The following ZNF385B variants were observed in gnomAD, a reference collection of about 807,000 sequenced individuals.
ZNF385B encodes zinc finger protein 385B, also known as zinc finger protein 533.
ZNF385B carries 23 observed loss-of-function variants against 39.2 expected under a neutral mutation model. That is an observed-to-expected ratio of 0.59 (90% CI 0.42 to 0.83). The LOEUF is 0.83. ZNF385B is among the 40% of genes least tolerant of loss of function. The pLI, the probability that ZNF385B is intolerant of heterozygous loss-of-function variation, is 0.00. For synonymous variants in ZNF385B, 205 were observed against 222.6 expected (o/e 0.92, Z 0.70); for missense variants, 552 against 598.9 (o/e 0.92, Z 0.82).
intron 1 of ZNF385B, among the ~76,000 whole-genome samples, chr2:179,838,928 A>AG (rs35164869): frequency 0.13 from 16,764 of 130,626 alleles, 1,073 homozygotes; most frequent in Admixed American, 0.22. Context: ...CCAAAAAAAA[A>AG]GGGGGGGGGG....
At chr2:179,677,084 C>A (rs1314947594) in intron 3 of ZNF385B, among the ~76,000 whole-genome samples, 1 of 152,134 alleles carries the variant, frequency 6.6e-6, no homozygotes, top group Admixed American at 6.5e-5. Flanking sequence ...ATATGTATAG[C>A]TATAAAAATG....
intron 3 of ZNF385B, among the ~76,000 whole-genome samples, chr2:179,558,690 G>A (rs141366502): frequency 7.9e-5 from 12 of 152,130 alleles, no homozygotes; most frequent in Admixed American, 6.5e-5. Context: ...GTATCCCAAG[G>A]CCACCAGAAT....
intron 3 of ZNF385B, among the ~76,000 whole-genome samples, chr2:179,697,526 T>C (rs933559053): frequency 6.6e-6 from 1 of 152,152 alleles, no homozygotes; most frequent in African/African-American, 2.4e-5. Flanking sequence ...TAAACCTTTT[T>C]CCTTTATAAA....
intron 1 of ZNF385B, chr2:179,814,657 C>T: frequency 2.4e-6 from 1 of 410,720 alleles, no homozygotes. Flanking sequence ...AAAACTACTC[C>T]ACCAAGTCCA....
At chr2:179,711,842 G>T (rs181850199) in intron 3 of ZNF385B, among the ~76,000 whole-genome samples, 7 of 144,780 alleles carry the variant, frequency 4.8e-5, no homozygotes, top group African/African-American at 1.8e-4. Context: ...AGCAGTAGCA[G>T]TTCTGTTCAG....
intron 6 of ZNF385B, among the ~76,000 whole-genome samples, chr2:179,455,204 A>G (rs769833339): frequency 1.3e-5 from 2 of 151,934 alleles, no homozygotes; most frequent in Non-Finnish European, 1.5e-5. Flanking sequence ...TTGTGTTGCA[A>G]TTGCCTACAG....
intron 1 of ZNF385B, among the ~76,000 whole-genome samples, chr2:179,775,413 A>G (rs542314246): frequency 6.6e-6 from 1 of 152,250 alleles, no homozygotes; most frequent in Non-Finnish European, 1.5e-5. Context: ...AACTCTCTGC[A>G]TAACAGTCCC....
intron 5 of ZNF385B, among the ~76,000 whole-genome samples, chr2:179,489,822 T>C (rs2055008122): frequency 6.6e-6 from 1 of 152,240 alleles, no homozygotes; most frequent in African/African-American, 2.4e-5. Context: ...TTGGCTTTGA[T>C]ATTCACTTCA....
At chr2:179,502,109 T>C (rs1487172599) in intron 5 of ZNF385B, among the ~76,000 whole-genome samples, 1 of 152,128 alleles carries the variant, frequency 6.6e-6, no homozygotes, top group African/African-American at 2.4e-5. Context: ...ATTTCTCCAT[T>C]TTGGAATGGC....
At chr2:179,739,872 G>A (rs1701986028) in intron 3 of ZNF385B, among the ~76,000 whole-genome samples, 1 of 152,038 alleles carries the variant, frequency 6.6e-6, no homozygotes, top group Non-Finnish European at 1.5e-5. Flanking sequence ...TGCAAGAGTG[G>A]TATTCATTGC....
At chr2:179,687,823 T>C (rs2106337435) in intron 3 of ZNF385B, among the ~76,000 whole-genome samples, 1 of 152,326 alleles carries the variant, frequency 6.6e-6, no homozygotes, top group African/African-American at 2.4e-5. Context: ...AAATTTAAAA[T>C]GAAACATGCA....
At chr2:179,642,056 C>T (rs995412573) in intron 3 of ZNF385B, among the ~76,000 whole-genome samples, 6 of 151,954 alleles carry the variant, frequency 3.9e-5, no homozygotes, top group Non-Finnish European at 5.9e-5. Flanking sequence ...ATGAAACTGA[C>T]GACTGATTTA....
intron 3 of ZNF385B, among the ~76,000 whole-genome samples, chr2:179,744,758 T>C (rs1403129911): frequency 6.6e-6 from 1 of 151,948 alleles, no homozygotes; most frequent in East Asian, 1.9e-4. Flanking sequence ...CAAAGAAAAA[T>C]AGATTCCCCT....
intron 3 of ZNF385B, among the ~76,000 whole-genome samples, chr2:179,599,169 A>G (rs543019569): frequency 2.0e-5 from 3 of 152,308 alleles, no homozygotes; most frequent in South Asian, 2.1e-4. Context: ...TAGATACACC[A>G]AAGTTTCTGG....
rs2105516605 is a variant in ZNF385B at position 179,443,122 on chromosome 2, C to G, written c.*128G>C. ...TGTGTTTCTCTCTGGAATTGGGGGA[C>G]TGGGTGGTGGGCTGCATTTTGTGGG... On this transcript the variant is annotated 3_prime_UTR_variant, in exon 10 of 10. Coordinates refer to ENST00000410066, the MANE Select transcript of ZNF385B (RefSeq NM_152520.6). 1.0e-6 allele frequency: 1 copy of G among 981,692 alleles called. No individual in the cohort carries two copies. The highest frequency in any genetic ancestry group is 1.6e-6 in the Non-Finnish European group (1 of 635,482). 60.8% of individuals were successfully genotyped at this position (981,692 alleles called of 1,614,324 possible).
chr2:179,560,004 A>G (rs2061222364), intron 3 of ZNF385B, among the ~76,000 whole-genome samples: 1 of 152,196 alleles, frequency 6.6e-6, no homozygotes, highest in South Asian at 2.1e-4. Context: ...AAGTCTACAT[A>G]TAAGAGAGAT....
chr2:179,712,890 G>A (rs965697081), intron 3 of ZNF385B, among the ~76,000 whole-genome samples: 2 of 152,222 alleles, frequency 1.3e-5, no homozygotes, highest in East Asian at 1.9e-4. Flanking sequence ...AGTGAATCAC[G>A]TTCAATAAAA....
At chr2:179,739,037 A>C (rs910326556) in intron 3 of ZNF385B, among the ~76,000 whole-genome samples, 1 of 152,120 alleles carries the variant, frequency 6.6e-6, no homozygotes, top group Admixed American at 6.5e-5. Context: ...CATGGATTCC[A>C]CCACCACTGC....
chr2:179,713,822 T>C (rs960573135), intron 3 of ZNF385B, among the ~76,000 whole-genome samples: 1 of 152,230 alleles, frequency 6.6e-6, no homozygotes, highest in African/African-American at 2.4e-5. Context: ...GTGTGTTTCC[T>C]GCTTAACTCA....
Sources: gnomAD v4.1 joint callset for allele counts (sites outside exome capture counted in the v4.1 genomes callset) on GRCh38, gnomAD v4.1.1 for gene constraint, MANE v1.5 for transcripts, NCBI Gene and HGNC (gene_info 2026-07-23, HGNC 2026-07-21) for gene names.